CTNNA2: variants seen among roughly 807,000 people sequenced by gnomAD.
The protein encoded by CTNNA2 is catenin alpha 2, also known as catenin alpha-2.
Under a neutral mutation model 101.0 loss-of-function variants are expected in CTNNA2, and 42 were observed. That is an observed-to-expected ratio of 0.42 (90% CI 0.32 to 0.54). CTNNA2 has a LOEUF of 0.54. CTNNA2 is among the 20% of genes least tolerant of loss of function. The pLI is 0.14. For synonymous variants in CTNNA2, 450 were observed against 456.4 expected (o/e 0.99, Z 0.18); for missense variants, 871 against 1,223.1 (o/e 0.71, Z 4.29).
intron 6 of CTNNA2, among the ~76,000 whole-genome samples, chr2:79,894,219 G>C (rs959459061): frequency 6.6e-6 from 1 of 152,042 alleles, no homozygotes; most frequent in African/African-American, 2.4e-5. Context: ...TATGAATTCA[G>C]TTCCCTTTAG....
chr2:80,361,022 A>C (rs995541048), intron 7 of CTNNA2, among the ~76,000 whole-genome samples: 3 of 152,102 alleles, frequency 2.0e-5, no homozygotes, highest in South Asian at 4.1e-4. Flanking sequence ...GTATACACGG[A>C]TGTCATATGA....
chr2:80,505,382 A>G (rs952043039), intron 9 of CTNNA2, among the ~76,000 whole-genome samples: 3 of 151,948 alleles, frequency 2.0e-5, no homozygotes, highest in South Asian at 2.1e-4. Context: ...ACTAACGTAC[A>G]TTGTGTCAAG....
chr2:79,665,160 TCTC>T (rs1433052251), intron 2 of CTNNA2, among the ~76,000 whole-genome samples: 1 of 152,156 alleles, frequency 6.6e-6, no homozygotes, highest in Non-Finnish European at 1.5e-5. Flanking sequence ...ATGAAAATTT[TCTC>T]CTATTTCATT....
At chr2:79,191,285 T>C in intron 1 of CTNNA2, among the ~76,000 whole-genome samples, 1 of 152,218 alleles carries the variant, frequency 6.6e-6, no homozygotes, top group East Asian at 1.9e-4. Flanking sequence ...CTAAGTTCCA[T>C]TTTGAACAAA....
chr2:79,869,781 T>C, intron 4 of CTNNA2, 35 bp from the exon 5 acceptor site: 17 of 1,598,302 alleles, frequency 1.1e-5, no homozygotes, highest in Non-Finnish European at 1.4e-5. Context: ...TTAAATACTA[T>C]CCACTAATAA....
intron 7 of CTNNA2, among the ~76,000 whole-genome samples, chr2:79,940,907 T>G (rs1163240390): frequency 6.6e-6 from 1 of 152,250 alleles, no homozygotes; most frequent in Non-Finnish European, 1.5e-5. Flanking sequence ...GAATGCATAT[T>G]GCTTTCTCAC....
chr2:79,557,267 C>T (rs1025523319), intron 1 of CTNNA2, among the ~76,000 whole-genome samples: 5 of 151,908 alleles, frequency 3.3e-5, no homozygotes, highest in African/African-American at 1.2e-4. Flanking sequence ...CCTAAGGTGG[C>T]CCTCTTAATT....
At chr2:80,480,603 T>A (rs2149499050) in intron 9 of CTNNA2, among the ~76,000 whole-genome samples, 1 of 152,248 alleles carries the variant, frequency 6.6e-6, no homozygotes. Flanking sequence ...TAATCTTAAA[T>A]TGGCATCTTG....
intron 8 of CTNNA2, among the ~76,000 whole-genome samples, chr2:80,412,357 T>C (rs1472427968): frequency 6.6e-6 from 1 of 152,236 alleles, no homozygotes; most frequent in Non-Finnish European, 1.5e-5. Flanking sequence ...GTTATAACAT[T>C]TTAAGTAAAG....
At position 80,411,187 on chromosome 2, in the gene CTNNA2, G is replaced by A. The variant is rs114175542; in HGVS notation, c.1138-8262G>A. Among the ~76,000 whole-genome samples, 531 of 152,242 alleles carry A rather than the reference G, an allele frequency of 3.5e-3. 4 individuals are homozygous for A. Among genetic ancestry groups the A allele is most frequent in the African/African-American group, 0.012 (504 of 41,554 alleles). On this transcript the variant is annotated intron_variant, in intron 8 of 18. Coordinates refer to ENST00000402739, the MANE Select transcript of CTNNA2 (RefSeq NM_001282597.3). Reference sequence around the variant, plus strand: ...ACAATTTACTATTTTAAAACATTTTGATCATTAAGAGTTATAAGAAAATGG... The same window carrying A: ...ACAATTTACTATTTTAAAACATTTTAATCATTAAGAGTTATAAGAAAATGG...
At chr2:79,561,706 A>C (rs757310205) in intron 1 of CTNNA2, among the ~76,000 whole-genome samples, 8 of 151,764 alleles carry the variant, frequency 5.3e-5, no homozygotes, top group Non-Finnish European at 1.0e-4. Context: ...TTCTAGTATG[A>C]CTCATGATGT....
chr2:80,178,684 C>T (rs762965004), intron 7 of CTNNA2, among the ~76,000 whole-genome samples: 1 of 152,154 alleles, frequency 6.6e-6, no homozygotes, highest in Non-Finnish European at 1.5e-5. Flanking sequence ...GTAATACACC[C>T]AAATGAGGAA....
At chr2:79,456,637 T>C (rs1670825474) in intron 4 of CTNNA2, among the ~76,000 whole-genome samples, 1 of 152,206 alleles carries the variant, frequency 6.6e-6, no homozygotes, top group Non-Finnish European at 1.5e-5. Flanking sequence ...TTTTATAACA[T>C]GGACCCACTA....
At chr2:79,688,690 A>G (rs943143438) in intron 2 of CTNNA2, among the ~76,000 whole-genome samples, 3 of 152,114 alleles carry the variant, frequency 2.0e-5, no homozygotes, top group African/African-American at 7.2e-5. Context: ...TGGAAAGAGA[A>G]TAAATTCAGA....
rs774297769 is a variant in CTNNA2, at chr2:80,302,493, C to T, written c.1057-90718C>T. 1 of 1,613,822 alleles carries T rather than the reference C, an allele frequency of 6.2e-7. No homozygotes were observed. The highest frequency in any genetic ancestry group is 1.3e-5 in the African/African-American group (1 of 75,070). ...TTCCAGGACACGTAGAGCACCAGGA[C>T]CACGATGAGGAAGGAGAAGATGAGG... On this transcript the variant is annotated intron_variant, in intron 7 of 18. Coordinates refer to ENST00000402739, the MANE Select transcript of CTNNA2 (RefSeq NM_001282597.3). The surrounding 1 kb of genome is among the most constrained non-coding windows in gnomAD (Gnocchi z 6.4).
At chr2:79,823,938 G>A (rs981748690) in intron 3 of CTNNA2, among the ~76,000 whole-genome samples, 7 of 152,060 alleles carry the variant, frequency 4.6e-5, no homozygotes, top group Non-Finnish European at 8.8e-5. Context: ...TGAATATAAA[G>A]ACTTTCCAGG....
intron 1 of CTNNA2, among the ~76,000 whole-genome samples, chr2:79,561,864 T>C (rs961745577): frequency 6.6e-6 from 1 of 151,880 alleles, no homozygotes; most frequent in African/African-American, 2.4e-5. Flanking sequence ...ATTAGAGTCT[T>C]ACTAGATATA....
intron 7 of CTNNA2, among the ~76,000 whole-genome samples, chr2:79,979,280 G>A (rs764776989): frequency 1.3e-5 from 2 of 152,126 alleles, no homozygotes; most frequent in Non-Finnish European, 1.5e-5. Context: ...CTACTCATGC[G>A]GCTGAGGTGA....
At chr2:79,904,114 T>A (rs1685255660) in intron 6 of CTNNA2, among the ~76,000 whole-genome samples, 1 of 152,180 alleles carries the variant, frequency 6.6e-6, no homozygotes, top group Non-Finnish European at 1.5e-5. Context: ...CGCTTTTCAC[T>A]CTTTAAGTCT....
Sources: allele counts gnomAD v4.1 joint callset (sites outside exome capture counted in the v4.1 genomes callset), GRCh38; gene constraint gnomAD v4.1.1; non-coding constraint Gnocchi (gnomAD v3.1); transcripts MANE v1.5; gene names NCBI Gene and HGNC (gene_info 2026-07-23, HGNC 2026-07-21).